Variants in ZNF365 observed in about 807,000 individuals in gnomAD.
ZNF365 encodes zinc finger protein 365.
Under a neutral mutation model 35.0 loss-of-function variants are expected in ZNF365, and 22 were observed. The ratio of observed to expected loss-of-function variants is 0.63; its 90% CI spans 0.45 to 0.90. The LOEUF is 0.90. Ranked by LOEUF, ZNF365 falls within the 40% of genes least tolerant of loss-of-function variation. The pLI is 0.00. For missense variants in ZNF365, 448 were observed against 500.3 expected, an observed-to-expected ratio of 0.90 and a Z score of 1.00; for synonymous variants, 188 against 196.2, an observed-to-expected ratio of 0.96 and a Z score of 0.35.
At chr10:62,394,312 G>A (rs1839685653) in intron 3 of ZNF365, among the ~76,000 whole-genome samples, 1 of 152,278 alleles carries the variant, frequency 6.6e-6, no homozygotes, top group South Asian at 2.1e-4. Flanking sequence ...GCGGTAGTTA[G>A]CACTATGTAA....
chr10:62,381,750 C>T (rs941121973), intron 2 of ZNF365, among the ~76,000 whole-genome samples: 2 of 152,110 alleles, frequency 1.3e-5, no homozygotes, highest in Non-Finnish European at 2.9e-5. Context: ...CTTGCTTAAT[C>T]GGGGTAGGGC....
downstream of ZNF365, among the ~76,000 whole-genome samples, chr10:62,406,069 C>T (rs561856310): frequency 6.6e-6 from 1 of 152,286 alleles, no homozygotes; most frequent in South Asian, 2.1e-4. Context: ...GGAGTGGACA[C>T]ACAGTTAGTT....
chr10:62,447,242 G>A (rs1840604202), intron 3 of ZNF365, among the ~76,000 whole-genome samples: 2 of 152,116 alleles, frequency 1.3e-5, no homozygotes, highest in South Asian at 2.1e-4. Flanking sequence ...TCTTGGCAGG[G>A]AGGAAAAGAT....
At chr10:62,415,857 AG>A (rs1452075176) in intron 3 of ZNF365, among the ~76,000 whole-genome samples, 1 of 152,172 alleles carries the variant, frequency 6.6e-6, no homozygotes, top group Non-Finnish European at 1.5e-5. Flanking sequence ...CCTAGGAAAA[AG>A]TGACTGCCTC....
At chr10:62,416,385 G>T (rs1840074529) in intron 3 of ZNF365, among the ~76,000 whole-genome samples, 1 of 152,104 alleles carries the variant, frequency 6.6e-6, no homozygotes, top group African/African-American at 2.4e-5. Context: ...CTTTCTCTAG[G>T]TATTCATTCT....
At chr10:62,479,730 T>C (rs1321573364) in intron 4 of ZNF365, 3 of 631,758 alleles carry the variant, frequency 4.7e-6, no homozygotes, top group South Asian at 3.9e-5. Flanking sequence ...GTGTCTATCA[T>C]AGTTTGGCAG....
intron 2 of ZNF365, among the ~76,000 whole-genome samples, chr10:62,382,702 C>G (rs774778105): frequency 2.0e-5 from 3 of 152,068 alleles, no homozygotes; most frequent in Non-Finnish European, 4.4e-5. Flanking sequence ...CCTGTGGTGC[C>G]GGAAAGAGAG....
chr10:62,407,645 G>A (rs1453688627), intron 3 of ZNF365, among the ~76,000 whole-genome samples: 1 of 152,146 alleles, frequency 6.6e-6, no homozygotes, highest in Non-Finnish European at 1.5e-5. Flanking sequence ...TTTCTCTGCT[G>A]CAAACCCTGC....
chr10:62,385,520 C>T (rs1185776560), intron 2 of ZNF365, among the ~76,000 whole-genome samples: 1 of 152,106 alleles, frequency 6.6e-6, no homozygotes, highest in Non-Finnish European at 1.5e-5. Context: ...TGAGATTAAG[C>T]CATCAAATGT....
chr10:62,427,965 A>G (rs934350412), intron 3 of ZNF365, among the ~76,000 whole-genome samples: 2 of 152,158 alleles, frequency 1.3e-5, no homozygotes, highest in African/African-American at 4.8e-5. Flanking sequence ...CTTTATTTGA[A>G]CATCACAGAA....
intron 3 of ZNF365, among the ~76,000 whole-genome samples, chr10:62,418,657 G>A (rs149273159): frequency 2.0e-5 from 3 of 152,194 alleles, no homozygotes; most frequent in East Asian, 1.9e-4. Flanking sequence ...ATACGTGGGC[G>A]AAGTAATGGA....
intron 3 of ZNF365, among the ~76,000 whole-genome samples, chr10:62,419,280 C>T (rs971710067): frequency 6.6e-6 from 1 of 152,028 alleles, no homozygotes; most frequent in East Asian, 1.9e-4. Flanking sequence ...CAAACTTAGA[C>T]AAGTTACTTA....
At chr10:62,394,007 GAC>G (rs1006216220) in intron 3 of ZNF365, among the ~76,000 whole-genome samples, 5 of 152,308 alleles carry the variant, frequency 3.3e-5, no homozygotes, top group Admixed American at 3.3e-4. Flanking sequence ...GACACATTAT[GAC>G]ACAGTCTGCA....
At chr10:62,413,022 C>T (rs1840010369) in intron 3 of ZNF365, among the ~76,000 whole-genome samples, 1 of 152,090 alleles carries the variant, frequency 6.6e-6, no homozygotes, top group Non-Finnish European at 1.5e-5. Flanking sequence ...GGCAACTCTC[C>T]CTCCTCAAGT....
chr10:62,437,804 G>A (rs917432654), intron 3 of ZNF365, among the ~76,000 whole-genome samples: 2 of 152,160 alleles, frequency 1.3e-5, no homozygotes, highest in Non-Finnish European at 2.9e-5. Context: ...TCTACCACTA[G>A]GGGGTGACAG....
intron 3 of ZNF365, among the ~76,000 whole-genome samples, chr10:62,414,557 T>C (rs1045553588): frequency 1.3e-5 from 2 of 152,134 alleles, no homozygotes; most frequent in Non-Finnish European, 2.9e-5. Context: ...TGAAATACTC[T>C]GCCAATTGTA....
At chr10:62,430,775 T>C (rs542473122) in intron 3 of ZNF365, among the ~76,000 whole-genome samples, 4 of 152,350 alleles carry the variant, frequency 2.6e-5, no homozygotes, top group African/African-American at 9.6e-5. Flanking sequence ...TTAGCTAACC[T>C]GGATAGCTTG....
rs548877225 is a variant in ZNF365, at chr10:62,424,365, A to T, written c.925-35376A>T. Among the ~76,000 whole-genome samples, 4 of 152,304 alleles carry T rather than the reference A, an allele frequency of 2.6e-5. No homozygotes were observed. In the East Asian group the frequency reaches 7.7e-4, roughly 29 times the overall value. ...TTCTCAACCAGGGTTTTAGGAGAGA[A>T]TTGAAGCACGATGCTCTCAGGAATC... On this transcript the variant is annotated intron_variant, in intron 3 of 4. Coordinates refer to the ZNF365 transcript ENST00000395255.
chr10:62,479,952 T>C, exon 5 of ZNF365: 1 of 1,609,682 alleles, frequency 6.2e-7, no homozygotes, highest in Non-Finnish European at 8.5e-7. Context: ...AATCGCAAAT[T>C]AATTGTGCCA....
Sources: allele counts gnomAD v4.1 joint callset (sites outside exome capture counted in the v4.1 genomes callset), GRCh38; gene constraint gnomAD v4.1.1; transcripts MANE v1.5; gene names NCBI Gene and HGNC (gene_info 2026-07-23, HGNC 2026-07-21).